The following RBFOX1 variants were observed in gnomAD, a reference collection of about 807,000 sequenced individuals.
RBFOX1 encodes RNA binding fox-1 homolog 1.
Under a neutral mutation model 57.7 loss-of-function variants are expected in RBFOX1, and 8 were observed. The observed-to-expected ratio is 0.14, with a 90% CI of 0.08 to 0.25. The LOEUF (loss-of-function observed/expected upper bound fraction) is 0.25, where lower values mean the gene tolerates loss of function less well. Ranked by LOEUF, RBFOX1 falls within the 10% of genes least tolerant of loss-of-function variation. RBFOX1 has a pLI of 1.00. For missense variants in RBFOX1, 611 were observed against 548.5 expected (o/e 1.11, Z -1.14); for synonymous variants, 326 against 222.4 (o/e 1.47, Z -4.15).
At chr16:7,469,823 T>A (rs996851628) in intron 4 of RBFOX1, among the ~76,000 whole-genome samples, 1 of 152,192 alleles carries the variant, frequency 6.6e-6, no homozygotes, top group South Asian at 2.1e-4. Flanking sequence ...TCTGTCCCCA[T>A]TAAACACTAA....
intron 3 of RBFOX1, among the ~76,000 whole-genome samples, chr16:6,820,283 A>G (rs972642491): frequency 2.6e-5 from 4 of 152,186 alleles, no homozygotes; most frequent in African/African-American, 9.7e-5. Context: ...GTATTTCTTC[A>G]TAGCATTATG....
chr16:5,644,556 T>G (rs1451933733), intron 3 of RBFOX1, among the ~76,000 whole-genome samples: 1 of 152,184 alleles, frequency 6.6e-6, no homozygotes, highest in Non-Finnish European at 1.5e-5. Flanking sequence ...TGAGATACAT[T>G]GCAGGAACTC....
intron 3 of RBFOX1, among the ~76,000 whole-genome samples, chr16:6,957,080 GT>G (rs1312307666): frequency 7.0e-6 from 1 of 143,246 alleles, no homozygotes; most frequent in Admixed American, 6.7e-5. Context: ...GGTTGCCCAT[GT>G]TTTTTGGTTA....
At chr16:6,069,597 TC>T (rs2095810750) in intron 1 of RBFOX1, among the ~76,000 whole-genome samples, 1 of 152,132 alleles carries the variant, frequency 6.6e-6, no homozygotes, top group African/African-American at 2.4e-5. Flanking sequence ...AATTTCAAGG[TC>T]ATATAAACCT....
At chr16:7,618,938 C>A (rs2058882889) in intron 10 of RBFOX1, among the ~76,000 whole-genome samples, 1 of 152,176 alleles carries the variant, frequency 6.6e-6, no homozygotes. Flanking sequence ...TGGAATTCCG[C>A]ATCTGCATTA....
chr16:7,512,379 C>G (rs1007807532), intron 4 of RBFOX1, among the ~76,000 whole-genome samples: 1 of 152,218 alleles, frequency 6.6e-6, no homozygotes, highest in Admixed American at 6.5e-5. Flanking sequence ...ACAAAGACAT[C>G]TCTGGAGCCA....
At chr16:7,683,183 C>G (rs2075301197) in intron 14 of RBFOX1, among the ~76,000 whole-genome samples, 1 of 148,010 alleles carries the variant, frequency 6.8e-6, no homozygotes, top group South Asian at 2.2e-4. Flanking sequence ...GAAGGTACAT[C>G]TCAGCTTTTG....
chr16:7,039,227 G>C (rs75117233), intron 3 of RBFOX1, among the ~76,000 whole-genome samples: 3 of 152,158 alleles, frequency 2.0e-5, no homozygotes. Flanking sequence ...TATTGTGCAA[G>C]TTTACGTATA....
chr16:5,581,693 A>G (rs1434902606), intron 2 of RBFOX1, among the ~76,000 whole-genome samples: 3 of 152,220 alleles, frequency 2.0e-5, no homozygotes, highest in Non-Finnish European at 4.4e-5. Context: ...GAACTCTCCA[A>G]GCCAGGGTGA....
At chr16:6,870,724 T>G (rs967196795) in intron 3 of RBFOX1, among the ~76,000 whole-genome samples, 3 of 152,158 alleles carry the variant, frequency 2.0e-5, no homozygotes, top group African/African-American at 7.2e-5. Context: ...GTTGAATAAT[T>G]ATTTCACCAC....
chr16:6,842,582 A>T (rs6500847), intron 3 of RBFOX1, among the ~76,000 whole-genome samples: 1 of 151,098 alleles, frequency 6.6e-6, no homozygotes, highest in Admixed American at 6.6e-5. Context: ...TCCATTGTAT[A>T]GACATACTTA....
intron 5 of RBFOX1, among the ~76,000 whole-genome samples, chr16:7,568,861 T>G (rs2092435129): frequency 9.0e-6 from 1 of 111,182 alleles, no homozygotes; most frequent in African/African-American, 3.4e-5. Flanking sequence ...CACTCCAGCC[T>G]GGGTGATAGA....
At chr16:6,752,923 G>A (rs1443617757) in intron 3 of RBFOX1, among the ~76,000 whole-genome samples, 1 of 151,698 alleles carries the variant, frequency 6.6e-6, no homozygotes, top group Non-Finnish European at 1.5e-5. Context: ...TTGGCAATAT[G>A]TTTATACGGT....
chr16:6,084,702 A>T (rs1379803800), intron 1 of RBFOX1, among the ~76,000 whole-genome samples: 4 of 152,128 alleles, frequency 2.6e-5, no homozygotes, highest in Admixed American at 1.3e-4. Context: ...TTCCTTGGTT[A>T]GGAGATAAGG....
intron 3 of RBFOX1, among the ~76,000 whole-genome samples, chr16:6,695,843 G>A (rs540448994): frequency 6.6e-6 from 1 of 152,102 alleles, no homozygotes; most frequent in Non-Finnish European, 1.5e-5. Flanking sequence ...TTTCCCTGCT[G>A]GAAATCCAGG....
chr16:5,967,984 T>G (rs1431150038), intron 4 of RBFOX1, among the ~76,000 whole-genome samples: 1 of 152,210 alleles, frequency 6.6e-6, no homozygotes, highest in Non-Finnish European at 1.5e-5. Flanking sequence ...ACTACTTTGC[T>G]TTATAAACCC....
At chr16:5,422,671 G>C (rs1231457384) in intron 1 of RBFOX1, among the ~76,000 whole-genome samples, 1 of 128,508 alleles carries the variant, frequency 7.8e-6, no homozygotes, top group South Asian at 2.8e-4. Context: ...AGGAGGGGGA[G>C]GGAGAGGGAG....
In RBFOX1 at chr16:6,371,968, C is replaced by G. The variant is rs553938159; in HGVS notation, c.-64+54911C>G. ...CATATTTTTTGTCATCTTTGTATCC[C>G]CATTGCCTAGGAAGATGTCTGGTAC... is the stretch of plus-strand genomic sequence containing the variant. On this transcript the variant is annotated intron_variant, in intron 2 of 15. Transcript: ENST00000550418. 1.1e-4 allele frequency among the ~76,000 whole-genome samples: 16 copies of G among 152,268 alleles called. No homozygotes were observed. In the East Asian group the frequency reaches 2.9e-3, roughly 28 times the overall value.
At chr16:7,122,817 A>T (rs1454082926) in intron 4 of RBFOX1, among the ~76,000 whole-genome samples, 1 of 152,204 alleles carries the variant, frequency 6.6e-6, no homozygotes, top group Non-Finnish European at 1.5e-5. Flanking sequence ...TATGTCTTCA[A>T]ATAGATGAAT....
Sources: gnomAD v4.1 joint callset for allele counts (sites outside exome capture counted in the v4.1 genomes callset) on GRCh38, gnomAD v4.1.1 for gene constraint, MANE v1.5 for transcripts, NCBI Gene and HGNC (gene_info 2026-07-23, HGNC 2026-07-21) for gene names.